Variants in CEP128 observed in about 807,000 individuals in gnomAD.
CEP128 encodes the protein centrosomal protein 128kDa.
A neutral mutation model predicts 156.7 loss-of-function variants in CEP128; 132 were observed. That is an observed-to-expected ratio of 0.84 (90% CI 0.73 to 0.97). The LOEUF is 0.97. Among genes scored for constraint, CEP128 ranks in the 50% least tolerant of loss-of-function variants. CEP128 has a pLI of 0.00. For synonymous variants in CEP128, 469 were observed against 448.9 expected (o/e 1.04, Z -0.57); for missense variants, 1,252 against 1,281.9 (o/e 0.98, Z 0.36).
downstream of CEP128, among the ~76,000 whole-genome samples, chr14:80,492,935 T>C (rs144689888): frequency 2.3e-3 from 349 of 152,282 alleles, 2 homozygotes; most frequent in African/African-American, 8.0e-3. Context: ...TCTGAATTGT[T>C]GGTAGTTTAG....
intron 2 of CEP128, among the ~76,000 whole-genome samples, chr14:80,924,384 A>C (rs1885035025): frequency 6.6e-6 from 1 of 152,258 alleles, no homozygotes; most frequent in South Asian, 2.1e-4. Context: ...AGGAAACAGA[A>C]TCAGATACTT....
chr14:80,630,069 T>C lies in CEP128; in HGVS notation c.2807-49646A>G, dbSNP rs1481992276. Among the ~76,000 whole-genome samples the C allele has an allele frequency of 2.6e-5, 4 of 151,964 alleles. No homozygotes were observed. In the East Asian group the frequency reaches 7.7e-4, roughly 29 times the overall value. Reference sequence around the variant, plus strand: ...CCTTGAAACCCAATCTAGATGATATTATCATATAACTGTTATTTACCCTTC... The same window carrying C: ...CCTTGAAACCCAATCTAGATGATATCATCATATAACTGTTATTTACCCTTC... On this transcript the variant is annotated intron_variant, in intron 19 of 24. Coordinates refer to ENST00000555265, the MANE Select transcript of CEP128 (RefSeq NM_152446.5).
chr14:80,946,419 T>C (rs1360327301), upstream of CEP128, among the ~76,000 whole-genome samples: 1 of 150,620 alleles, frequency 6.6e-6, no homozygotes, highest in East Asian at 2.0e-4. Flanking sequence ...CTAAGATTAG[T>C]TCTGTTGATT....
intron 6 of CEP128, among the ~76,000 whole-genome samples, chr14:80,904,353 A>C (rs78455587): frequency 2.9e-3 from 448 of 152,142 alleles, no homozygotes; most frequent in African/African-American, 9.8e-3. Flanking sequence ...GGGGGTGAAG[A>C]GGGAGAGAAA....
intron 5 of CEP128, 176 bp downstream of exon 5, chr14:80,905,779 A>G: frequency 1.7e-6 from 1 of 580,282 alleles, no homozygotes; most frequent in Non-Finnish European, 2.8e-6. Context: ...CAATATAACA[A>G]CAAAGACCCT....
intron 19 of CEP128, among the ~76,000 whole-genome samples, chr14:80,657,833 A>T (rs1895239476): frequency 1.3e-5 from 2 of 152,188 alleles, no homozygotes; most frequent in South Asian, 4.1e-4. Flanking sequence ...TCAATTTTGA[A>T]CAAGAAAAAG....
At chr14:80,623,482 T>TAAAC (rs993765561) in intron 19 of CEP128, among the ~76,000 whole-genome samples, 1 of 151,450 alleles carries the variant, frequency 6.6e-6, no homozygotes, top group African/African-American at 2.4e-5. Context: ...AATAAATAAA[T>TAAAC]AAACAAACTG....
intron 19 of CEP128, among the ~76,000 whole-genome samples, chr14:80,629,155 A>ATTTTAT (rs11281646): frequency 6.6e-6 from 1 of 151,776 alleles, no homozygotes; most frequent in Admixed American, 6.6e-5. Flanking sequence ...TGACTTTGCC[A>ATTTTAT]TTAGCAACAA....
intron 19 of CEP128, among the ~76,000 whole-genome samples, chr14:80,647,122 C>CAT (rs1555386220): frequency 0.024 from 2,612 of 108,904 alleles, 123 homozygotes; most frequent in African/African-American, 0.054. Flanking sequence ...CACACACACA[C>CAT]ACATACACAC....
At chr14:80,582,923 G>T (rs550680088) in intron 19 of CEP128, among the ~76,000 whole-genome samples, 1 of 152,158 alleles carries the variant, frequency 6.6e-6, no homozygotes, top group East Asian at 1.9e-4. Context: ...TACATAGTGG[G>T]GTTCATCAAC....
chr14:80,766,282 A>C (rs1388205853), intron 16 of CEP128, among the ~76,000 whole-genome samples: 1 of 152,200 alleles, frequency 6.6e-6, no homozygotes, highest in African/African-American at 2.4e-5. Context: ...CATATTGTTG[A>C]CACTTAAGTA....
At chr14:80,743,746 T>C (rs1052326953) in intron 18 of CEP128, among the ~76,000 whole-genome samples, 3 of 152,200 alleles carry the variant, frequency 2.0e-5, no homozygotes, top group Non-Finnish European at 4.4e-5. Flanking sequence ...AGATTCTTTA[T>C]TGACTAGAAG....
intron 8 of CEP128, among the ~76,000 whole-genome samples, chr14:80,894,112 G>A (rs1889233170): frequency 6.6e-6 from 1 of 151,600 alleles, no homozygotes; most frequent in South Asian, 2.1e-4. Flanking sequence ...GACTTCTTAG[G>A]TCAAAAAAGT....
intron 19 of CEP128, among the ~76,000 whole-genome samples, chr14:80,607,603 C>T (rs1258130890): frequency 6.6e-6 from 1 of 152,060 alleles, no homozygotes; most frequent in African/African-American, 2.4e-5. Context: ...AAGCATTCTG[C>T]AACTTAACAA....
At chr14:80,699,790 TACAAG>T (rs1316988648) in intron 19 of CEP128, among the ~76,000 whole-genome samples, 1 of 152,182 alleles carries the variant, frequency 6.6e-6, no homozygotes, top group Admixed American at 6.5e-5. Context: ...AACCTTCTTC[TACAAG>T]ACTGGACTTT....
At chr14:80,818,089 A>G (rs1224137145) in intron 13 of CEP128, among the ~76,000 whole-genome samples, 1 of 152,200 alleles carries the variant, frequency 6.6e-6, no homozygotes, top group Non-Finnish European at 1.5e-5. Context: ...GTGTGATCAC[A>G]GCCCACTGCG....
intron 21 of CEP128, among the ~76,000 whole-genome samples, chr14:80,537,664 G>A (rs887855668): frequency 6.6e-5 from 10 of 152,016 alleles, no homozygotes; most frequent in South Asian, 6.2e-4. Context: ...ATTTCAGAGC[G>A]TTTGCAAAAA....
intron 16 of CEP128, among the ~76,000 whole-genome samples, chr14:80,763,231 G>A (rs1251298027): frequency 1.3e-5 from 2 of 152,110 alleles, no homozygotes; most frequent in African/African-American, 4.8e-5. Flanking sequence ...CACAATAACA[G>A]GAGTTTCATT....
chr14:80,763,915 TG>T (rs1467872074), intron 16 of CEP128, among the ~76,000 whole-genome samples: 1 of 152,208 alleles, frequency 6.6e-6, no homozygotes, highest in African/African-American at 2.4e-5. Flanking sequence ...AGTATTTTCA[TG>T]GTCTGATAGT....
Sources: gnomAD v4.1 joint callset for allele counts (sites outside exome capture counted in the v4.1 genomes callset) on GRCh38, gnomAD v4.1.1 for gene constraint, MANE v1.5 for transcripts, NCBI Gene and HGNC (gene_info 2026-07-23, HGNC 2026-07-21) for gene names.